ANXA4: variants seen among roughly 807,000 people sequenced by gnomAD.
ANXA4 encodes annexin A4, also known as 35-beta calcimedin.
A neutral mutation model predicts 49.8 loss-of-function variants in ANXA4; 39 were observed. The ratio of observed to expected loss-of-function variants is 0.78; its 90% CI spans 0.61 to 1.02. ANXA4 has a LOEUF of 1.02. Ranked by LOEUF, ANXA4 falls within the 50% of genes least tolerant of loss-of-function variation. The pLI, the probability that ANXA4 is intolerant of heterozygous loss-of-function variation, is 0.00. For missense variants in ANXA4, 360 were observed against 410.1 expected (o/e 0.88, Z 1.05); for synonymous variants, 134 against 152.5 (o/e 0.88, Z 0.89).
intron 6 of ANXA4, chr2:69,808,225 G>T: frequency 2.1e-6 from 1 of 478,240 alleles, no homozygotes. Context: ...ACCCAGTGCA[G>T]TATTTTATTA....
chr2:69,697,301 C>T (rs917146854), intron 2 of ANXA4, among the ~76,000 whole-genome samples: 1 of 152,202 alleles, frequency 6.6e-6, no homozygotes, highest in African/African-American at 2.4e-5. Context: ...CCTCTGCTAG[C>T]CTCAGACTTT....
intron 1 of ANXA4, among the ~76,000 whole-genome samples, chr2:69,769,041 A>G (rs1449544292): frequency 6.6e-6 from 1 of 152,234 alleles, no homozygotes; most frequent in Non-Finnish European, 1.5e-5. Context: ...TAAAAAGAAA[A>G]TTACTTAGGA....
chr2:69,686,961 C>T (rs1677811761), intron 2 of ANXA4, among the ~76,000 whole-genome samples: 1 of 152,232 alleles, frequency 6.6e-6, no homozygotes, highest in Non-Finnish European at 1.5e-5. Context: ...GAACACATAA[C>T]TTAAAGTCAC....
At chr2:69,678,816 A>G (rs1677498182) in intron 2 of ANXA4, among the ~76,000 whole-genome samples, 1 of 152,240 alleles carries the variant, frequency 6.6e-6, no homozygotes, top group Non-Finnish European at 1.5e-5. Context: ...TATATGTAAC[A>G]GCTCATCTTT....
At chr2:69,703,506 A>C (rs2105393571) in intron 2 of ANXA4, among the ~76,000 whole-genome samples, 1 of 152,300 alleles carries the variant, frequency 6.6e-6, no homozygotes, top group Non-Finnish European at 1.5e-5. Flanking sequence ...TAGAATCACA[A>C]TATGTGGCCT....
chr2:69,736,396 G>A (rs1263304394), intron 3 of ANXA4, among the ~76,000 whole-genome samples: 4 of 152,066 alleles, frequency 2.6e-5, no homozygotes, highest in African/African-American at 2.4e-5. Context: ...CTAACTCATC[G>A]AACCGTGTGA....
intron 1 of ANXA4, among the ~76,000 whole-genome samples, chr2:69,752,679 C>T (rs1460645908): frequency 1.3e-5 from 2 of 152,204 alleles, no homozygotes; most frequent in Admixed American, 6.5e-5. Flanking sequence ...AGGGCAGGGA[C>T]GATGCAGCCC....
chr2:69,649,689 G>A (rs1472643260), intron 1 of ANXA4, among the ~76,000 whole-genome samples: 1 of 140,852 alleles, frequency 7.1e-6, no homozygotes, highest in African/African-American at 2.7e-5. Context: ...TCAGCTCACT[G>A]CAGCCTCGAC....
intron 2 of ANXA4, among the ~76,000 whole-genome samples, chr2:69,654,972 A>G (rs1314817067): frequency 6.6e-6 from 1 of 152,214 alleles, no homozygotes. Flanking sequence ...CTGGCTAGCC[A>G]TATGCAGAAA....
rs201637546 is a variant in ANXA4 at position 69,682,877 on chromosome 2, C to A, written n.766+29595C>A. On this transcript the variant is annotated intron_variant and non_coding_transcript_variant, in intron 2 of 3. Coordinates refer to the ANXA4 transcript ENST00000418066. Reference sequence around the variant, plus strand: ...AACAAAATGCTGTCAGTGTTTATTTCTCAGTCTTGAGACGTCAGATGATTT... The same window carrying A: ...AACAAAATGCTGTCAGTGTTTATTTATCAGTCTTGAGACGTCAGATGATTT... Among the ~76,000 whole-genome samples, 3 of 152,144 alleles carry A rather than the reference C, an allele frequency of 2.0e-5. No homozygotes were observed. In the East Asian group the frequency reaches 5.8e-4, roughly 29 times the overall value.
At position 69,678,357 on chromosome 2, in the gene ANXA4, G is replaced by A. The variant is rs193222573; in HGVS notation, n.766+25075G>A. On this transcript the variant is annotated intron_variant and non_coding_transcript_variant, in intron 2 of 3. Coordinates refer to the ANXA4 transcript ENST00000418066. ...GCTAAATTGCTTTTTTTTTTCAGAAGGGCATTACAAATCTACACTTTCTTT... is the reference window on the plus strand; with the variant it reads ...GCTAAATTGCTTTTTTTTTTCAGAAAGGCATTACAAATCTACACTTTCTTT... Among the ~76,000 whole-genome samples, 508 of 147,796 alleles carry A rather than the reference G, an allele frequency of 3.4e-3. 4 individuals are homozygous for A. Among genetic ancestry groups the A allele is most frequent in the African/African-American group, 0.012 (487 of 40,070 alleles).
chr2:69,825,518 T>C lies in ANXA4; in HGVS notation c.*3T>C. ...TTCTCTGTGGAGGAGATGATTAAAA[T>C]AAAAATCCCAGAAGGACAGGAGGAT... On this transcript the variant is annotated 3_prime_UTR_variant, in exon 13 of 13. Coordinates refer to ENST00000394295, the MANE Select transcript of ANXA4 (RefSeq NM_001153.5). 1 of 1,606,530 alleles carries C rather than the reference T, an allele frequency of 6.2e-7. No individual in the cohort carries two copies. The highest frequency in any genetic ancestry group is 8.5e-7 in the Non-Finnish European group (1 of 1,177,116).
At chr2:69,687,059 G>A (rs138109679) in intron 2 of ANXA4, among the ~76,000 whole-genome samples, 2 of 152,382 alleles carry the variant, frequency 1.3e-5, no homozygotes, top group Non-Finnish European at 2.9e-5. Context: ...GTGCAGCCTG[G>A]AGCTCAAGAC....
intron 2 of ANXA4, among the ~76,000 whole-genome samples, chr2:69,658,359 C>T (rs1023669100): frequency 1.4e-5 from 2 of 148,018 alleles, no homozygotes; most frequent in Non-Finnish European, 3.0e-5. Context: ...GAGATCACCC[C>T]ACTGCACTCC....
At chr2:69,784,317 C>G (rs1672326305) in intron 2 of ANXA4, among the ~76,000 whole-genome samples, 1 of 152,240 alleles carries the variant, frequency 6.6e-6, no homozygotes, top group Non-Finnish European at 1.5e-5. Flanking sequence ...GCCAATTCCT[C>G]TATCGATTCA....
chr2:69,658,758 C>G lies in ANXA4; in HGVS notation n.766+5476C>G, dbSNP rs374163718. ...CGCCCAGGCTGGAGTGCAGTGGCAC[C>G]ATCTCAGCTCACTGCAACCTCCGCC... On this transcript the variant is annotated intron_variant and non_coding_transcript_variant, in intron 2 of 3. Coordinates refer to the ANXA4 transcript ENST00000418066. 7.9e-5 allele frequency among the ~76,000 whole-genome samples: 12 copies of G among 152,054 alleles called. No homozygotes were observed. In the East Asian group the frequency reaches 2.3e-3, roughly 29 times the overall value.
Position 69,732,332 on chromosome 2 carries a change from T to G in ANXA4, n.864+11461T>G, listed in dbSNP as rs72903009. 6.8e-3 allele frequency among the ~76,000 whole-genome samples: 1,029 copies of G among 151,918 alleles called. 13 individuals carry two copies. The highest frequency in any genetic ancestry group is 0.023 in the African/African-American group (958 of 41,456). ...TTTACCCTTGATGGGAGTGGGGTTG[T>G]GGGTGTCGCTCGCTGTGTCTGTAGA... On this transcript the variant is annotated intron_variant and non_coding_transcript_variant, in intron 3 of 3. Coordinates refer to the ANXA4 transcript ENST00000418066.
chr2:69,812,020 G>A (rs1319964959), intron 7 of ANXA4, among the ~76,000 whole-genome samples: 1 of 152,026 alleles, frequency 6.6e-6, no homozygotes, highest in South Asian at 2.1e-4. Flanking sequence ...CTTCTTGTGA[G>A]CTGGTGTTGG....
upstream of ANXA4, among the ~76,000 whole-genome samples, chr2:69,644,143 A>C (rs1675894842): frequency 7.4e-6 from 1 of 135,108 alleles, no homozygotes; most frequent in South Asian, 2.3e-4. Context: ...ACATCCCGTG[A>C]AGAAACTGCC....
Sources: gnomAD v4.1 joint callset for allele counts (sites outside exome capture counted in the v4.1 genomes callset) on GRCh38, gnomAD v4.1.1 for gene constraint, MANE v1.5 for transcripts, NCBI Gene and HGNC (gene_info 2026-07-23, HGNC 2026-07-21) for gene names.